The following CARM1 variants were observed in gnomAD, a reference collection of about 807,000 sequenced individuals.
CARM1 encodes coactivator associated arginine methyltransferase 1, also known as histone-arginine methyltransferase CARM1.
Under a neutral mutation model 72.7 loss-of-function variants are expected in CARM1, and 14 were observed. The ratio of observed to expected loss-of-function variants is 0.19; its 90% confidence interval spans 0.13 to 0.30. The LOEUF (loss-of-function observed/expected upper bound fraction) is 0.30, where lower values mean the gene tolerates loss of function less well. CARM1 is among the 10% of genes least tolerant of loss of function. CARM1 has a pLI of 1.00. For missense variants in CARM1, 432 were observed against 833.7 expected (o/e 0.52, Z 5.93); for synonymous variants, 333 against 345.5 (o/e 0.96, Z 0.40).
chr19:10,899,038 T>G (rs2074044400), intron 1 of CARM1, among the ~76,000 whole-genome samples: 1 of 150,658 alleles, frequency 6.6e-6, no homozygotes, highest in Non-Finnish European at 1.5e-5. Flanking sequence ...AGCTTGTTTT[T>G]TTTTTTTTTT....
chr19:10,906,845 A>G (rs1045842690), intron 2 of CARM1, among the ~76,000 whole-genome samples: 1 of 151,412 alleles, frequency 6.6e-6, no homozygotes, highest in Non-Finnish European at 1.5e-5. Flanking sequence ...CTATTATTCT[A>G]TGTTAATAAA....
intron 4 of CARM1, among the ~76,000 whole-genome samples, chr19:10,909,439 AAAAC>A (rs2074129447): frequency 6.6e-6 from 1 of 151,842 alleles, no homozygotes; most frequent in East Asian, 1.9e-4. Flanking sequence ...CTCTTAAAAA[AAAAC>A]AAATAAACAA....
intron 9 of CARM1, 77 bp from the exon 10 acceptor site, chr19:10,919,800 C>A: frequency 6.7e-7 from 1 of 1,494,822 alleles, no homozygotes; most frequent in South Asian, 1.1e-5. Context: ...CCCCAGGCCT[C>A]TGCACCTGGC....
In CARM1 at chr19:10,912,089, G is replaced by T. The variant is rs1158588189; in HGVS notation, c.559-95G>T. 1 of 891,796 alleles carries T rather than the reference G, an allele frequency of 1.1e-6. No individual in the cohort carries two copies. Among genetic ancestry groups the T allele is most frequent in the African/African-American group, 1.6e-5 (1 of 61,112 alleles). The allele number at this position is 891,796 out of a possible 1,614,324, so 55.2% of individuals were successfully genotyped here. A position where few individuals can be genotyped will look rare whatever the true frequency, so the allele number is the denominator to read the frequency against. Reference sequence around the variant, plus strand: ...AGGGCAAACATTGAGAGTGAAGACAGACGCCTCATGATGTGCACATCCCTT... The same window carrying T: ...AGGGCAAACATTGAGAGTGAAGACATACGCCTCATGATGTGCACATCCCTT... On this transcript the variant is annotated intron_variant, in intron 4 of 15. Transcript: ENST00000327064. This position sits in a 1 kb window ranked among gnomAD's most constrained non-coding sequence, Gnocchi z 4.5.
intron 1 of CARM1, among the ~76,000 whole-genome samples, chr19:10,885,602 A>G (rs1302779266): frequency 6.6e-6 from 1 of 152,238 alleles, no homozygotes; most frequent in Non-Finnish European, 1.5e-5. Flanking sequence ...TGAATAAATA[A>G]TCAAAGACTG....
Position 10,916,447 on chromosome 19 carries a change from C to T in CARM1, c.888C>T (p.Pro296=), listed in dbSNP as rs1444843816. The T allele has an allele frequency of 1.2e-5, 20 of 1,613,848 alleles. No homozygotes were observed. The highest frequency in any genetic ancestry group is 1.6e-5 in the Non-Finnish European group (19 of 1,179,936). Residue 296 remains proline, a synonymous_variant, in exon 7 of 16, where the codon CCC becomes CCT. Transcript: ENST00000327064. The surrounding 1 kb of genome is among the most constrained non-coding windows in gnomAD (Gnocchi z 4.4). ...CCATTGGTGACGTCCACCTTGCACCCTTCACGGATGAACAGCTCTACATGG... is the reference window on the plus strand; with the variant it reads ...CCATTGGTGACGTCCACCTTGCACCTTTCACGGATGAACAGCTCTACATGG... ...FPTIGDVHLA[P]FTDEQLYMEQ...
At chr19:10,890,731 A>G (rs2073978897) in intron 1 of CARM1, among the ~76,000 whole-genome samples, 1 of 147,546 alleles carries the variant, frequency 6.8e-6, no homozygotes, top group South Asian at 2.1e-4. Flanking sequence ...ATATATAGAC[A>G]CATATATACA....
At chr19:10,894,742 T>TC (rs1420357884) in intron 1 of CARM1, among the ~76,000 whole-genome samples, 4 of 145,732 alleles carry the variant, frequency 2.7e-5, no homozygotes, top group Admixed American at 6.9e-5. Flanking sequence ...TCTCTCTCTC[T>TC]TTTTTTTTTT....
chr19:10,918,522 G>A (rs1309749357), intron 8 of CARM1, among the ~76,000 whole-genome samples: 1 of 152,172 alleles, frequency 6.6e-6, no homozygotes, highest in African/African-American at 2.4e-5. Context: ...TGCACCTGGC[G>A]TTGAGCCTCT....
intron 1 of CARM1, among the ~76,000 whole-genome samples, chr19:10,898,678 G>A (rs551805785): frequency 2.0e-5 from 3 of 152,328 alleles, no homozygotes; most frequent in East Asian, 1.9e-4. Flanking sequence ...GCACTGAATC[G>A]CCACTGCTGG....
intron 1 of CARM1, among the ~76,000 whole-genome samples, chr19:10,885,888 A>AT (rs766173367): frequency 3.0e-4 from 24 of 78,770 alleles, no homozygotes; most frequent in Admixed American, 5.1e-4. Context: ...TCACTCCCTC[A>AT]TTTTTTTTTT....
rs866968375 is a variant in CARM1, at chr19:10,871,640, A to G, written c.-63A>G. 3,607 of 142,684 alleles carry G rather than the reference A, an allele frequency of 0.025. 146 individuals are homozygous for G. Among genetic ancestry groups the G allele is most frequent in the African/African-American group, 0.082 (2,096 of 25,542 alleles). The allele number at this position is 142,684 out of a possible 1,614,324, so 8.8% of individuals were successfully genotyped here. ...CGGCGGCGGCGGCGGCGGCGGCGGCAGCGGCGGCGGCCTGGGCCCGGGCGC... is the reference window on the plus strand; with the variant it reads ...CGGCGGCGGCGGCGGCGGCGGCGGCGGCGGCGGCGGCCTGGGCCCGGGCGC... On this transcript the variant is annotated 5_prime_UTR_variant, in exon 1 of 16. Coordinates refer to ENST00000327064, the MANE Select transcript of CARM1 (RefSeq NM_199141.2). This position sits in a 1 kb window ranked among gnomAD's most constrained non-coding sequence, Gnocchi z 5.6.
chr19:10,899,541 C>T lies in CARM1; in HGVS notation c.221-5410C>T, dbSNP rs8104250. Among the ~76,000 whole-genome samples, 1,310 of 152,166 alleles carry T rather than the reference C, an allele frequency of 8.6e-3. 21 individuals are homozygous for T. The highest frequency in any genetic ancestry group is 0.03 in the African/African-American group (1,254 of 41,514). ...TGGGGCAGTGGCCTGCTGACACCCT[C>T]CTGGCAGGGCTCAGGAGGTTCCTCC... On this transcript the variant is annotated intron_variant, in intron 1 of 15. Transcript: ENST00000327064.
At chr19:10,901,342 A>G (rs997649969) in intron 1 of CARM1, among the ~76,000 whole-genome samples, 3 of 150,362 alleles carry the variant, frequency 2.0e-5, no homozygotes, top group South Asian at 2.1e-4. Context: ...GAGTCTTGCT[A>G]TGTTGCCCAG....
intron 1 of CARM1, among the ~76,000 whole-genome samples, chr19:10,902,545 G>A (rs1005826297): frequency 2.6e-5 from 4 of 151,072 alleles, no homozygotes; most frequent in Non-Finnish European, 2.9e-5. Context: ...TCCTGACCTC[G>A]TGATCCACCC....
At chr19:10,892,337 A>G (rs1167652585) in intron 1 of CARM1, among the ~76,000 whole-genome samples, 1 of 152,236 alleles carries the variant, frequency 6.6e-6, no homozygotes, top group African/African-American at 2.4e-5. Flanking sequence ...GTGCCCGTTC[A>G]GGGCCATGGC....
At chr19:10,875,544 C>T (rs1443625205) in intron 1 of CARM1, among the ~76,000 whole-genome samples, 8 of 152,052 alleles carry the variant, frequency 5.3e-5, no homozygotes, top group Non-Finnish European at 1.0e-4. Flanking sequence ...CCTGCCTCAG[C>T]CTCCCGGGTA....
intron 2 of CARM1, among the ~76,000 whole-genome samples, chr19:10,906,718 G>T (rs1017530068): frequency 3.3e-5 from 5 of 152,006 alleles, no homozygotes; most frequent in African/African-American, 7.2e-5. Flanking sequence ...GCCTGCCTCC[G>T]CCTCCCAAAG....
In CARM1 at chr19:10,922,393, C is replaced by T. The variant is rs2074270068; in HGVS notation, c.*636C>T. The T allele has an allele frequency of 6.6e-6, 1 of 152,646 alleles. No individual in the cohort carries two copies. The highest frequency in any genetic ancestry group is 2.4e-5 in the African/African-American group (1 of 41,438). The allele number at this position is 152,646 out of a possible 1,614,324, so 9.5% of individuals were successfully genotyped here. ...TCACACTTGAATGTACAACCCACCC[C>T]ACTGTCGGGAAGGCCTCCGTCCTCG... On this transcript the variant is annotated 3_prime_UTR_variant, in exon 16 of 16. Transcript: ENST00000327064.
Sources: gnomAD v4.1 joint callset for allele counts (sites outside exome capture counted in the v4.1 genomes callset) on GRCh38, gnomAD v4.1.1 for gene constraint, Gnocchi (gnomAD v3.1) non-coding constraint, MANE v1.5 for transcripts, NCBI Gene and HGNC (gene_info 2026-07-23, HGNC 2026-07-21) for gene names.